HECW2: variants seen among roughly 807,000 people sequenced by gnomAD.
HECW2 encodes E3 ubiquitin-protein ligase HECW2.
A neutral mutation model predicts 175.2 loss-of-function variants in HECW2; 61 were observed. The observed-to-expected ratio is 0.35, with a 90% CI of 0.28 to 0.43. HECW2 has a LOEUF of 0.43. HECW2 is among the 20% of genes least tolerant of loss of function. The pLI is 1.00. For missense variants in HECW2, 1,524 were observed against 2,000.5 expected (o/e 0.76, Z 4.54); for synonymous variants, 671 against 731.0 (o/e 0.92, Z 1.32).
At chr2:196,394,559 G>A (rs1015053245) in intron 2 of HECW2, among the ~76,000 whole-genome samples, 2 of 138,246 alleles carry the variant, frequency 1.4e-5, no homozygotes, top group African/African-American at 2.6e-5. Context: ...AGGCAGACAC[G>A]AGAGCCAGAA....
chr2:196,436,355 T>G (rs7592108), intron 1 of HECW2, among the ~76,000 whole-genome samples: 1 of 149,044 alleles, frequency 6.7e-6, no homozygotes, highest in Non-Finnish European at 1.5e-5. Context: ...GAGCAGAGAT[T>G]GCACCACTGG....
intron 14 of HECW2, among the ~76,000 whole-genome samples, chr2:196,287,222 T>TA (rs1376267657): frequency 1.3e-5 from 2 of 152,212 alleles, no homozygotes; most frequent in African/African-American, 2.4e-5. Flanking sequence ...CCTCTAGAGT[T>TA]ACAAAGCTTG....
intron 1 of HECW2, among the ~76,000 whole-genome samples, chr2:196,540,676 C>A (rs1243688658): frequency 2.0e-5 from 3 of 152,130 alleles, no homozygotes; most frequent in Non-Finnish European, 4.4e-5. Context: ...AACTCCTGGC[C>A]TCAAGCAATC....
chr2:196,323,641 T>G (rs890362124), intron 6 of HECW2, among the ~76,000 whole-genome samples: 2 of 151,644 alleles, frequency 1.3e-5, no homozygotes, highest in Non-Finnish European at 1.5e-5. Flanking sequence ...TGTCTCTGAA[T>G]AGCTAGTCCC....
chr2:196,225,785 C>A lies in HECW2; in HGVS notation c.4003G>T (p.Ala1335Ser), dbSNP rs140111178. 1 of 1,597,814 alleles carries A rather than the reference C, an allele frequency of 6.3e-7. No individual in the cohort carries two copies. Among genetic ancestry groups the A allele is most frequent in the Non-Finnish European group, 8.6e-7 (1 of 1,165,280 alleles). The change falls in exon 23 of 29, where the codon GCT (alanine) becomes TCT (serine). Residue 1335 changes from alanine (A) to serine (S), a missense_variant. By Grantham distance (99) the Ala-to-Ser change is moderately conservative (BLOSUM62 1). Transcript: ENST00000644978. ...AAATATTCTTACATTCTGAGAAGAG[C>A]CTTATAAAAGGGCCGTGTGAAGAAG... is the stretch of plus-strand genomic sequence containing the variant. The part of the protein sequence containing the change: ...DAFFTRPFYK[A>S]LLRILCDLSD...
At chr2:196,361,920 T>G (rs1256679567) in intron 2 of HECW2, 24 of 985,252 alleles carry the variant, frequency 2.4e-5, no homozygotes, top group Non-Finnish European at 2.8e-5. Context: ...CCAACCCACG[T>G]GGCAGTTTCA....
intron 7 of HECW2, 54 bp from the exon 8 acceptor site, chr2:196,320,493 C>G: frequency 8.3e-7 from 1 of 1,202,924 alleles, no homozygotes; most frequent in East Asian, 2.5e-5. Flanking sequence ...TCAGCCTTCG[C>G]CGTCTTTCCA....
intron 15 of HECW2, among the ~76,000 whole-genome samples, chr2:196,277,220 G>A (rs545198181): frequency 1.3e-5 from 2 of 152,272 alleles, no homozygotes; most frequent in Admixed American, 1.3e-4. Flanking sequence ...GGGCCCTCGT[G>A]TGGTTACCAT....
chr2:196,311,634 T>C (rs912187791), intron 10 of HECW2, among the ~76,000 whole-genome samples: 2 of 152,056 alleles, frequency 1.3e-5, no homozygotes, highest in African/African-American at 4.8e-5. Flanking sequence ...CTGTCTCTAC[T>C]AAAAATACAA....
chr2:196,301,327 G>A (rs1010038067), intron 13 of HECW2, among the ~76,000 whole-genome samples: 16 of 152,020 alleles, frequency 1.1e-4, no homozygotes, highest in African/African-American at 2.2e-4. Context: ...GAATAGTGCC[G>A]CAATGAACAT....
intron 1 of HECW2, among the ~76,000 whole-genome samples, chr2:196,491,647 A>G (rs985062912): frequency 1.3e-5 from 2 of 151,842 alleles, no homozygotes; most frequent in Admixed American, 1.3e-4. Flanking sequence ...AGAAAGTTTA[A>G]GCCTTCTGAC....
chr2:196,482,695 G>A (rs954987522), intron 1 of HECW2, among the ~76,000 whole-genome samples: 2 of 152,190 alleles, frequency 1.3e-5, no homozygotes, highest in Non-Finnish European at 2.9e-5. Flanking sequence ...GCAAGGAGGT[G>A]ACAGAAGGCA....
intron 2 of HECW2, among the ~76,000 whole-genome samples, chr2:196,432,102 C>CA (rs145553509): frequency 0.025 from 3,761 of 152,268 alleles, 156 homozygotes; most frequent in African/African-American, 0.085. Flanking sequence ...ACCCTGGCTT[C>CA]ATATCCCCCT....
chr2:196,257,062 CT>C (rs1237271623), intron 18 of HECW2, among the ~76,000 whole-genome samples: 1 of 152,206 alleles, frequency 6.6e-6, no homozygotes, highest in African/African-American at 2.4e-5. Flanking sequence ...TAAACAAAAC[CT>C]TGCCTGAAAG....
chr2:196,448,689 T>A (rs538957864), intron 1 of HECW2, among the ~76,000 whole-genome samples: 4 of 152,312 alleles, frequency 2.6e-5, no homozygotes, highest in Non-Finnish European at 5.9e-5. Flanking sequence ...AAAGCAATTA[T>A]TTATTTATTT....
At chr2:196,550,179 C>T (rs1689562899) in intron 1 of HECW2, among the ~76,000 whole-genome samples, 1 of 152,212 alleles carries the variant, frequency 6.6e-6, no homozygotes, top group Non-Finnish European at 1.5e-5. Context: ...AACTTATCTA[C>T]CATCCATATA....
At chr2:196,314,669 G>C (rs990994878) in intron 10 of HECW2, among the ~76,000 whole-genome samples, 2 of 152,084 alleles carry the variant, frequency 1.3e-5, no homozygotes, top group Non-Finnish European at 2.9e-5. Flanking sequence ...CAAAATTATT[G>C]AAAGAACAAA....
rs188980078 is a variant in HECW2, at chr2:196,315,607, T to C, written c.2434+1667A>G. Among the ~76,000 whole-genome samples, 16 of 152,294 alleles carry C rather than the reference T, an allele frequency of 1.1e-4. No individual in the cohort carries two copies. In the East Asian group the frequency reaches 2.7e-3, roughly 26 times the overall value. On this transcript the variant is annotated intron_variant, in intron 10 of 28. Transcript: ENST00000644978. ...CCATGAGTCACTAAGTTGCCTTTAC[T>C]TTTGCAAATACATCAACTCATTAAA...
chr2:196,275,485 G>A (rs1380393437), intron 15 of HECW2, among the ~76,000 whole-genome samples: 2 of 152,128 alleles, frequency 1.3e-5, no homozygotes, highest in Non-Finnish European at 2.9e-5. Context: ...CAGGCACGGT[G>A]GCTCACACCT....
Sources: allele counts gnomAD v4.1 joint callset (sites outside exome capture counted in the v4.1 genomes callset), GRCh38; gene constraint gnomAD v4.1.1; transcripts MANE v1.5; gene names NCBI Gene and HGNC (gene_info 2026-07-23, HGNC 2026-07-21).